Variants in PRR16 observed in about 807,000 individuals in gnomAD.
PRR16 encodes protein Largen.
A neutral mutation model predicts 18.2 loss-of-function variants in PRR16; 6 were observed. The ratio of observed to expected loss-of-function variants is 0.33; its 90% confidence interval spans 0.18 to 0.65. The LOEUF is 0.65. Ranked by LOEUF, PRR16 falls within the 30% of genes least tolerant of loss-of-function variation. The pLI is 0.74. For synonymous variants in PRR16, 151 were observed against 147.8 expected (o/e 1.02, Z -0.16); for missense variants, 412 against 376.6 (o/e 1.09, Z -0.78).
At chr5:120,657,253 A>G (rs1425764792) in intron 1 of PRR16, among the ~76,000 whole-genome samples, 4 of 151,962 alleles carry the variant, frequency 2.6e-5, no homozygotes, top group Admixed American at 1.3e-4. Flanking sequence ...TTTTAAACCA[A>G]TTGAGGATAA....
chr5:120,771,320 C>T, the PRR16 span, among the ~76,000 whole-genome samples: 1 of 152,010 alleles, frequency 6.6e-6, no homozygotes, highest in African/African-American at 2.4e-5. Flanking sequence ...CAAAATGATG[C>T]AACATGCATT....
At chr5:120,698,764 T>C in the PRR16 span, among the ~76,000 whole-genome samples, 1 of 152,042 alleles carries the variant, frequency 6.6e-6, no homozygotes, top group Non-Finnish European at 1.5e-5. Context: ...CCTTTTTAAG[T>C]TGGTGGCTGA....
At chr5:120,743,189 A>AT in the PRR16 span, among the ~76,000 whole-genome samples, 53 of 151,914 alleles carry the variant, frequency 3.5e-4, no homozygotes, top group African/African-American at 1.2e-3. Context: ...TTTTCTTCTA[A>AT]TGTATTTTAT....
chr5:120,589,942 A>C (rs1753577467), intron 1 of PRR16, among the ~76,000 whole-genome samples: 1 of 152,072 alleles, frequency 6.6e-6, no homozygotes, highest in Admixed American at 6.6e-5. Context: ...GATTACTTAG[A>C]ACTGAGAGTA....
chr5:120,481,736 C>T (rs1014398920), intron 1 of PRR16, among the ~76,000 whole-genome samples: 1 of 152,086 alleles, frequency 6.6e-6, no homozygotes, highest in African/African-American at 2.4e-5. Context: ...GTCGTAAAAA[C>T]AGAATTTGGT....
rs538071696 is a variant in PRR16, at chr5:120,664,988, G to C, written c.160-20966G>C. On this transcript the variant is annotated intron_variant, in intron 1 of 1. Coordinates refer to ENST00000407149, the MANE Select transcript of PRR16 (RefSeq NM_001300783.2). ...TATATACCCAGTAAAGGGATTGCTG[G>C]GTCAAATGGTATTTCTAGTTCTAGA... Among the ~76,000 whole-genome samples, 5 of 151,736 alleles carry C rather than the reference G, an allele frequency of 3.3e-5. No homozygotes were observed. In the South Asian group the frequency reaches 1.1e-3, roughly 32 times the overall value.
In PRR16 at chr5:120,546,611, G is replaced by A. The variant is rs1752081890; in HGVS notation, c.159+81966G>A. Among the ~76,000 whole-genome samples, 4 of 152,088 alleles carry A rather than the reference G, an allele frequency of 2.6e-5. No individual in the cohort carries two copies. The South Asian group carries it at 6.2e-4, about 24-fold the overall frequency. ...GTATCATGATTTGTCAACTAACACT[G>A]CTTAATCTGCTGAAGTAAAAGCACA... is the stretch of plus-strand genomic sequence containing the variant. On this transcript the variant is annotated intron_variant, in intron 1 of 1. Coordinates refer to ENST00000407149, the MANE Select transcript of PRR16 (RefSeq NM_001300783.2).
intron 1 of PRR16, among the ~76,000 whole-genome samples, chr5:120,545,109 T>C (rs1033563220): frequency 3.3e-5 from 5 of 152,118 alleles, no homozygotes; most frequent in African/African-American, 1.2e-4. Context: ...GACAGAGATA[T>C]GCTATTTAGG....
chr5:120,725,604 G>C, the PRR16 span, among the ~76,000 whole-genome samples: 1 of 151,910 alleles, frequency 6.6e-6, no homozygotes, highest in East Asian at 1.9e-4. Context: ...TTGAGCCCAG[G>C]ATTTTTAAGT....
chr5:120,643,516 A>G (rs1755491050), intron 1 of PRR16, among the ~76,000 whole-genome samples: 1 of 152,282 alleles, frequency 6.6e-6, no homozygotes, highest in South Asian at 2.1e-4. Flanking sequence ...AAATGCTACA[A>G]ATCCTTAGAA....
In PRR16 at chr5:120,537,769, G is replaced by GT. The variant is rs71623210; in HGVS notation, c.159+73149dup. Among the ~76,000 whole-genome samples the GT allele has an allele frequency of 4.9e-4, 57 of 115,166 alleles. 1 individual carries two copies. Among genetic ancestry groups the GT allele is most frequent in the African/African-American group, 1.8e-3 (54 of 30,456 alleles). 75.6% of individuals were successfully genotyped at this position (115,166 alleles called of 152,430 possible). On this transcript the variant is annotated intron_variant, in intron 1 of 1. Transcript: ENST00000407149. ...ACCCATATAACTTGGAATTTTTAAT[G>GT]TTTTTTTTTTTTTTTTTTTTTTTTT... is the stretch of plus-strand genomic sequence containing the variant.
At chr5:120,667,153 T>C (rs1481332194) in intron 1 of PRR16, among the ~76,000 whole-genome samples, 3 of 152,222 alleles carry the variant, frequency 2.0e-5, no homozygotes, top group African/African-American at 2.4e-5. Context: ...TATTGGTCTC[T>C]TCAGAGATTC....
intron 1 of PRR16, among the ~76,000 whole-genome samples, chr5:120,483,299 A>C (rs1248876388): frequency 6.6e-6 from 1 of 152,178 alleles, no homozygotes; most frequent in African/African-American, 2.4e-5. Flanking sequence ...AATGCAAGAG[A>C]AATAAAGCCT....
chr5:120,767,297 G>A, the PRR16 span, among the ~76,000 whole-genome samples: 7 of 151,916 alleles, frequency 4.6e-5, no homozygotes, highest in African/African-American at 1.7e-4. Flanking sequence ...ACTTAGTGAT[G>A]CCTCAGGGCA....
chr5:120,535,076 CGTGTGT>C (rs34220996), intron 1 of PRR16, among the ~76,000 whole-genome samples: 3 of 146,336 alleles, frequency 2.1e-5, no homozygotes, highest in African/African-American at 7.5e-5. Flanking sequence ...TCACTTTACA[CGTGTGT>C]GTGTGTGTGT....
At chr5:120,729,140 A>C in the PRR16 span, among the ~76,000 whole-genome samples, 4 of 152,228 alleles carry the variant, frequency 2.6e-5, no homozygotes, top group East Asian at 5.8e-4. Flanking sequence ...AGCTTCACAA[A>C]ATTTAGTAGA....
At chr5:120,480,971 C>T (rs1030580507) in intron 1 of PRR16, among the ~76,000 whole-genome samples, 4 of 152,020 alleles carry the variant, frequency 2.6e-5, no homozygotes, top group Admixed American at 1.3e-4. Context: ...AGGTCCGATT[C>T]ACTTCATGTC....
the PRR16 span, among the ~76,000 whole-genome samples, chr5:120,695,056 T>C: frequency 8.5e-5 from 13 of 152,370 alleles, no homozygotes; most frequent in Non-Finnish European, 1.8e-4. Flanking sequence ...CAGTGATTTA[T>C]GGTTTCATAC....
chr5:120,552,056 C>T (rs527515323), intron 1 of PRR16, among the ~76,000 whole-genome samples: 4 of 151,956 alleles, frequency 2.6e-5, no homozygotes, highest in South Asian at 2.1e-4. Context: ...TCACAATCCT[C>T]TATGACATTT....
Sources: allele counts gnomAD v4.1 joint callset (sites outside exome capture counted in the v4.1 genomes callset), GRCh38; gene constraint gnomAD v4.1.1; transcripts MANE v1.5; gene names NCBI Gene and HGNC (gene_info 2026-07-23, HGNC 2026-07-21).